Variants in ADAMTS16 observed in about 807,000 individuals in gnomAD.
The protein encoded by ADAMTS16 is A disintegrin and metalloproteinase with thrombospondin motifs 16.
In ADAMTS16, 94 loss-of-function variants were observed where a neutral mutation model predicts 145.8. The ratio of observed to expected loss-of-function variants is 0.64; its 90% confidence interval spans 0.55 to 0.77. ADAMTS16 has a LOEUF of 0.77. Ranked by LOEUF, ADAMTS16 falls within the 30% of genes least tolerant of loss-of-function variation. The pLI, the probability that ADAMTS16 is intolerant of heterozygous loss-of-function variation, is 0.00. For missense variants in ADAMTS16, 1,585 were observed against 1,591.5 expected, an observed-to-expected ratio of 1.00 and a Z score of 0.07; for synonymous variants, 659 against 604.3, an observed-to-expected ratio of 1.09 and a Z score of -1.33.
intron 6 of ADAMTS16, among the ~76,000 whole-genome samples, chr5:5,189,769 C>A (rs560261550): frequency 2.0e-5 from 3 of 152,280 alleles, no homozygotes; most frequent in African/African-American, 7.2e-5. Flanking sequence ...ATGTATGGAA[C>A]CAGAGAAACG....
In ADAMTS16 at chr5:5,303,620, A is replaced by C; in HGVS notation, c.3040A>C (p.Lys1014Gln). ...GTGGAGGAAGCGGGCAGTGGCCTGTAAGAGCACCAACCCCTCGGCCAGAGC... is the reference window on the plus strand; with the variant it reads ...GTGGAGGAAGCGGGCAGTGGCCTGTCAGAGCACCAACCCCTCGGCCAGAGC... The part of the protein sequence containing the change: ...KGWRKRAVAC[K>Q]STNPSARAQL... The change falls in exon 20 of 23, where the codon AAG becomes CAG. Residue 1014 changes from lysine (K) to glutamine (Q), a missense_variant. Physicochemically the swap from Lys to Gln is moderately conservative, Grantham distance 53. Transcript: ENST00000274181. 2.5e-6 allele frequency: 4 copies of C among 1,614,090 alleles called. No individual in the cohort carries two copies. Among genetic ancestry groups the C allele is most frequent in the Non-Finnish European group, 3.4e-6 (4 of 1,180,024 alleles).
intron 3 of ADAMTS16, among the ~76,000 whole-genome samples, chr5:5,180,509 A>C (rs1735311389): frequency 6.6e-6 from 1 of 152,242 alleles, no homozygotes; most frequent in Admixed American, 6.5e-5. Flanking sequence ...ATCTTCTTGC[A>C]TCCCTCCTAC....
Position 5,303,364 on chromosome 5 carries a change from G to A in ADAMTS16, c.2886G>A (p.Ser962=), listed in dbSNP as rs774536262. Residue 962 remains serine, a synonymous_variant, in exon 19 of 23, where the codon TCG becomes TCA. Coordinates refer to ENST00000274181, the MANE Select transcript of ADAMTS16 (RefSeq NM_139056.4). ...GCACACGGCGGGTGCACTATGACTC[G>A]GAGCCAGTCCCGGCCAGCCTGTGCC... ...VQCTRRVHYD[S]EPVPASLCPQ... is the part of the protein sequence containing the mutation. 1.9e-6 allele frequency: 3 copies of A among 1,601,964 alleles called. No homozygotes were observed. Among genetic ancestry groups the A allele is most frequent in the African/African-American group, 1.3e-5 (1 of 74,836 alleles).
At chr5:5,238,385 AG>A (rs1258810764) in intron 14 of ADAMTS16, among the ~76,000 whole-genome samples, 1 of 152,210 alleles carries the variant, frequency 6.6e-6, no homozygotes, top group Non-Finnish European at 1.5e-5. Flanking sequence ...AACATTAATT[AG>A]TTAATTATGG....
intron 2 of ADAMTS16, among the ~76,000 whole-genome samples, chr5:5,145,073 C>A (rs1238125595): frequency 1.3e-5 from 2 of 152,104 alleles, no homozygotes; most frequent in Non-Finnish European, 2.9e-5. Context: ...GTTCAGTTTG[C>A]CTGAACGCGG....
intron 18 of ADAMTS16, among the ~76,000 whole-genome samples, chr5:5,281,756 T>C (rs548985591): frequency 6.6e-6 from 1 of 152,334 alleles, no homozygotes; most frequent in East Asian, 1.9e-4. Flanking sequence ...CACTACCCTA[T>C]TGGGTGGTTT....
chr5:5,287,443 CTACAGAGGCTTA>C (rs1156248342), intron 18 of ADAMTS16, among the ~76,000 whole-genome samples: 5 of 152,224 alleles, frequency 3.3e-5, no homozygotes, highest in Non-Finnish European at 7.3e-5. Flanking sequence ...CTAGACCCAT[CTACAGAGGCTTA>C]TACCTCATAT....
chr5:5,251,433 G>A (rs1186454981), intron 17 of ADAMTS16, among the ~76,000 whole-genome samples: 1 of 152,160 alleles, frequency 6.6e-6, no homozygotes. Flanking sequence ...AACAAATAAT[G>A]CTTCTATACT....
At chr5:5,163,638 G>A (rs1037098113) in intron 3 of ADAMTS16, among the ~76,000 whole-genome samples, 3 of 152,176 alleles carry the variant, frequency 2.0e-5, no homozygotes, top group African/African-American at 7.2e-5. Flanking sequence ...CCATGATGAG[G>A]CCATGTCTTT....
chr5:5,189,302 G>A (rs373685977), intron 6 of ADAMTS16, among the ~76,000 whole-genome samples: 5 of 152,232 alleles, frequency 3.3e-5, no homozygotes, highest in East Asian at 1.9e-4. Context: ...GAATTCTTCC[G>A]TTCCCAAGAG....
At position 5,299,346 on chromosome 5, in the gene ADAMTS16, TAGGCAGCAGCTCGGGCCCAGACC is replaced by T. The variant is rs539110264; in HGVS notation, c.2790-3918_2790-3896del. Among the ~76,000 whole-genome samples, 1,199 of 152,312 alleles carry T rather than the reference TAGGCAGCAGCTCGGGCCCAGACC, an allele frequency of 7.9e-3. 11 individuals carry two copies. The highest frequency in any genetic ancestry group is 0.012 in the Non-Finnish European group (829 of 68,012). ...TGGCTGCCCTGGCGGGGCTTGGCCC[TAGGCAGCAGCTCGGGCCCAGACC>T]AGGGCTGGCCTCTGCATCTGAATTG... On this transcript the variant is annotated intron_variant, in intron 18 of 22. Transcript: ENST00000274181.
chr5:5,290,692 T>A (rs1055724500), intron 18 of ADAMTS16, among the ~76,000 whole-genome samples: 17 of 152,188 alleles, frequency 1.1e-4, no homozygotes, highest in African/African-American at 3.9e-4. Flanking sequence ...GCGCTAAAAT[T>A]CTTGTTTCCA....
At chr5:5,294,920 A>G (rs1396850191) in intron 18 of ADAMTS16, among the ~76,000 whole-genome samples, 1 of 152,212 alleles carries the variant, frequency 6.6e-6, no homozygotes, top group East Asian at 1.9e-4. Context: ...ACAGCTGTGG[A>G]GTGCAGAGAG....
chr5:5,207,268 C>T (rs923923785), intron 9 of ADAMTS16, among the ~76,000 whole-genome samples: 1 of 152,134 alleles, frequency 6.6e-6, no homozygotes, highest in Non-Finnish European at 1.5e-5. Flanking sequence ...ACATATTTTG[C>T]TACATTTATA....
At chr5:5,277,904 C>T (rs1004553237) in intron 18 of ADAMTS16, among the ~76,000 whole-genome samples, 1 of 152,034 alleles carries the variant, frequency 6.6e-6, no homozygotes, top group African/African-American at 2.4e-5. Flanking sequence ...ATTGTTTGCA[C>T]CTGGGAGGTC....
At chr5:5,278,899 A>G (rs952207648) in intron 18 of ADAMTS16, among the ~76,000 whole-genome samples, 3 of 152,194 alleles carry the variant, frequency 2.0e-5, no homozygotes, top group African/African-American at 7.2e-5. Flanking sequence ...GGGGGAAAAA[A>G]CCAATAAAAA....
At chr5:5,261,400 C>G (rs942948954) in intron 17 of ADAMTS16, among the ~76,000 whole-genome samples, 2 of 151,988 alleles carry the variant, frequency 1.3e-5, no homozygotes, top group Admixed American at 1.3e-4. Context: ...AGCCTGTCAA[C>G]GTGCTGGGAT....
chr5:5,244,871 G>T (rs773968551), intron 17 of ADAMTS16, among the ~76,000 whole-genome samples: 14 of 152,178 alleles, frequency 9.2e-5, no homozygotes, highest in Non-Finnish European at 2.1e-4. Flanking sequence ...GCCATTCAGG[G>T]TGAAGGCTGA....
At chr5:5,154,412 T>C (rs1734550623) in intron 3 of ADAMTS16, among the ~76,000 whole-genome samples, 1 of 152,228 alleles carries the variant, frequency 6.6e-6, no homozygotes. Flanking sequence ...ATAGTGCAAT[T>C]TGGAAATTAA....
Sources: allele counts gnomAD v4.1 joint callset (sites outside exome capture counted in the v4.1 genomes callset), GRCh38; gene constraint gnomAD v4.1.1; transcripts MANE v1.5; gene names NCBI Gene and HGNC (gene_info 2026-07-23, HGNC 2026-07-21).